Variants in DGKD observed in about 807,000 individuals in gnomAD.
DGKD encodes diacylglycerol kinase delta.
In DGKD, 68 loss-of-function variants were observed where a neutral mutation model predicts 154.4. The observed-to-expected ratio is 0.44, with a 90% confidence interval of 0.36 to 0.54. The LOEUF (loss-of-function observed/expected upper bound fraction) is 0.54. Ranked by LOEUF, DGKD falls within the 20% of genes least tolerant of loss-of-function variation. The pLI is 0.00. For missense variants in DGKD, 1,343 were observed against 1,593.6 expected (o/e 0.84, Z 2.68); for synonymous variants, 693 against 638.0 (o/e 1.09, Z -1.30).
chr2:233,386,330 T>G (rs1391992380), intron 1 of DGKD: 2 of 187,124 alleles, frequency 1.1e-5, no homozygotes, highest in African/African-American at 4.7e-5. Flanking sequence ...CATTGTTCTG[T>G]GCAGATGTAT....
At chr2:233,364,496 G>A (rs991579080) in intron 1 of DGKD, among the ~76,000 whole-genome samples, 1 of 152,178 alleles carries the variant, frequency 6.6e-6, no homozygotes. Flanking sequence ...CTGTAGGTTA[G>A]AAAGGAGGCA....
intron 1 of DGKD, among the ~76,000 whole-genome samples, chr2:233,368,557 G>A (rs771215595): frequency 6.6e-6 from 1 of 152,058 alleles, no homozygotes; most frequent in Non-Finnish European, 1.5e-5. Flanking sequence ...CCGAGTTAAG[G>A]ACCACAGTTC....
At chr2:233,408,432 G>C (rs955641780) in intron 3 of DGKD, among the ~76,000 whole-genome samples, 1 of 152,236 alleles carries the variant, frequency 6.6e-6, no homozygotes, top group African/African-American at 2.4e-5. Flanking sequence ...AATTGTATTT[G>C]TGGGTCCCAA....
intron 3 of DGKD, among the ~76,000 whole-genome samples, chr2:233,395,163 GT>G (rs1559499395): frequency 6.6e-6 from 1 of 151,890 alleles, no homozygotes; most frequent in Non-Finnish European, 1.5e-5. Flanking sequence ...TTTCTTGTTT[GT>G]TTGTTTGTTT....
At chr2:233,411,105 T>A (rs2061818509) in intron 3 of DGKD, among the ~76,000 whole-genome samples, 2 of 152,210 alleles carry the variant, frequency 1.3e-5, no homozygotes. Context: ...TTGGTGGGCA[T>A]TTAGGTAGTT....
intron 1 of DGKD, among the ~76,000 whole-genome samples, chr2:233,379,175 GGGGGGAGGTGATAGCTAGTTCTGCCTT>G (rs1194709815): frequency 2.0e-5 from 3 of 152,132 alleles, no homozygotes; most frequent in Non-Finnish European, 4.4e-5. Flanking sequence ...AGTTCTGCCT[GGGGGGAGGTGATAGCTAGTTCTGCCTT>G]GGGGGAGTCT....
rs1407115494 is a variant in DGKD at position 233,467,322 on chromosome 2, G to A, written c.3424+119G>A. ...GCTCCTCCCTCTTGGTCCCTGTGCT[G>A]TAACCCCCGGTCCTGCGACCACACT... On this transcript the variant is annotated intron_variant, in intron 28 of 29. Coordinates refer to ENST00000264057, the MANE Select transcript of DGKD (RefSeq NM_152879.3). 3.2e-5 allele frequency: 24 copies of A among 747,322 alleles called. No homozygotes were observed. The East Asian group carries it at 5.0e-4, about 15-fold the overall frequency. 46.3% of individuals were successfully genotyped at this position (747,322 alleles called of 1,614,324 possible).
chr2:233,424,740 A>C (rs1220594645), intron 3 of DGKD, among the ~76,000 whole-genome samples: 1 of 152,228 alleles, frequency 6.6e-6, no homozygotes, highest in East Asian at 1.9e-4. Context: ...CAGGCCCCTC[A>C]GCCGGGTTCG....
chr2:233,457,398 TCTG>T lies in DGKD; in HGVS notation c.2580+74_2580+76del, dbSNP rs770105446. 3.5e-5 allele frequency: 41 copies of T among 1,180,144 alleles called. No individual in the cohort carries two copies. In the African/African-American group the frequency reaches 3.9e-4, roughly 11 times the overall value. The allele number at this position is 1,180,144 out of a possible 1,614,324, so 73.1% of individuals were successfully genotyped here. ...GAGCTGTCTGAGAGCAGGGGGGTGT[TCTG>T]CTGTGGCTGGGGTGGATCCAGCTCT... is the stretch of plus-strand genomic sequence containing the variant. On this transcript the variant is annotated intron_variant, in intron 21 of 29. Transcript: ENST00000264057. This position sits in a 1 kb window ranked among gnomAD's most constrained non-coding sequence, Gnocchi z 5.5.
At chr2:233,410,955 A>T (rs1197887326) in intron 3 of DGKD, among the ~76,000 whole-genome samples, 1 of 152,196 alleles carries the variant, frequency 6.6e-6, no homozygotes, top group Non-Finnish European at 1.5e-5. Context: ...AAAGAATGCT[A>T]TATAAATTGA....
intron 12 of DGKD, among the ~76,000 whole-genome samples, 171 bp downstream of exon 12, chr2:233,446,967 C>G (rs1200501057): frequency 6.6e-6 from 1 of 152,236 alleles, no homozygotes; most frequent in Non-Finnish European, 1.5e-5. Flanking sequence ...GATTCTCACT[C>G]CCCTTGGCAG....
At chr2:233,463,995 AG>A in intron 26 of DGKD, 168 bp from the exon 27 acceptor site, 1 of 809,522 alleles carries the variant, frequency 1.2e-6, no homozygotes, top group Middle Eastern at 3.6e-4. Flanking sequence ...TTAGAAAGTG[AG>A]GTTCTGGGTT....
At chr2:233,456,238 G>T (rs2063457153) in intron 19 of DGKD, among the ~76,000 whole-genome samples, 2 of 152,234 alleles carry the variant, frequency 1.3e-5, no homozygotes, top group South Asian at 4.1e-4. Flanking sequence ...CTCAGGCATG[G>T]GGCGGAGGAG....
In DGKD at chr2:233,440,157, G is replaced by A. The variant is rs535076878; in HGVS notation, c.1086-1730G>A. Among the ~76,000 whole-genome samples, 1 of 152,304 alleles carries A rather than the reference G, an allele frequency of 6.6e-6. No individual in the cohort carries two copies. Among genetic ancestry groups the A allele is most frequent in the East Asian group, 1.9e-4 (1 of 5,178 alleles). Reference sequence around the variant, plus strand: ...CCCACAGCGGCGTAAGGGGAGTTGAGTCGTCATTTACCATTTCTGGAAGCA... The same window carrying A: ...CCCACAGCGGCGTAAGGGGAGTTGAATCGTCATTTACCATTTCTGGAAGCA... On this transcript the variant is annotated intron_variant, in intron 9 of 29. Transcript: ENST00000264057. The surrounding 1 kb of genome is among the most constrained non-coding windows in gnomAD (Gnocchi z 4.9).
rs1449124990 is a variant in DGKD, at chr2:233,470,711, G to A, written c.*1251G>A. ...TTCCCGTTGATAGTCATGGCTCAGA[G>A]GTGCTTGTAAATGTCTTGGGAAGAG... On this transcript the variant is annotated 3_prime_UTR_variant, in exon 30 of 30. Coordinates refer to ENST00000264057, the MANE Select transcript of DGKD (RefSeq NM_152879.3). The A allele has an allele frequency of 6.6e-6, 1 of 152,368 alleles. No individual in the cohort carries two copies. The highest frequency in any genetic ancestry group is 1.5e-5 in the Non-Finnish European group (1 of 68,122). The allele number at this position is 152,368 out of a possible 1,614,324, so 9.4% of individuals were successfully genotyped here.
intron 1 of DGKD, among the ~76,000 whole-genome samples, chr2:233,382,289 C>T (rs1414034224): frequency 6.6e-6 from 1 of 152,178 alleles, no homozygotes; most frequent in Non-Finnish European, 1.5e-5. Flanking sequence ...TTACCAGCTT[C>T]TTTCCACTGA....
intron 3 of DGKD, among the ~76,000 whole-genome samples, chr2:233,403,702 C>T (rs963474940): frequency 7.3e-5 from 11 of 150,364 alleles, no homozygotes; most frequent in Admixed American, 1.3e-4. Context: ...TGTAGTGGCG[C>T]GATTTAGGCT....
Position 233,462,664 on chromosome 2 carries a change from C to G in DGKD, c.3115C>G (p.Leu1039Val), listed in dbSNP as rs2063688213. ...CTAGGGGCTCAACTGCAGCTTCGTC[C>G]TGGAAATGGTGAATAACTTCAGAGC... ...TTEGLNCSFV[L>V]EMVNNFRALR... Residue 1039 changes from leucine (L) to valine (V), a missense_variant, in exon 26 of 30, where the codon CTG (leucine) becomes GTG (valine). By Grantham distance (32) the Leu-to-Val change is conservative. This residue lies in a region of DGKD where 429 missense variants were observed against 496.3 expected (regional missense o/e 0.86). Coordinates refer to ENST00000264057, the MANE Select transcript of DGKD (RefSeq NM_152879.3). 1.2e-6 allele frequency: 2 copies of G among 1,614,058 alleles called. No individual in the cohort carries two copies. The highest frequency in any genetic ancestry group is 2.2e-5 in the South Asian group (2 of 91,084).
intron 10 of DGKD, 28 bp downstream of exon 10, chr2:233,442,023 G>A (rs764496587): frequency 6.3e-7 from 1 of 1,586,834 alleles, no homozygotes; most frequent in Non-Finnish European, 8.7e-7. Context: ...AGCCCAGCCA[G>A]GAGCAGAGAG....
Sources: gnomAD v4.1 joint callset for allele counts (sites outside exome capture counted in the v4.1 genomes callset) on GRCh38, gnomAD v4.1.1 for gene constraint, gnomAD v4.1.1 regional missense constraint, Gnocchi (gnomAD v3.1) non-coding constraint, MANE v1.5 for transcripts, NCBI Gene and HGNC (gene_info 2026-07-23, HGNC 2026-07-21) for gene names.